KCNN1: variants seen among roughly 807,000 people sequenced by gnomAD.
KCNN1 encodes small conductance calcium-activated potassium channel protein 1.
Under a neutral mutation model 44.7 loss-of-function variants are expected in KCNN1, and 20 were observed. The observed-to-expected ratio is 0.45, with a 90% CI of 0.32 to 0.65. The LOEUF (loss-of-function observed/expected upper bound fraction) is 0.65. Ranked by LOEUF, KCNN1 falls within the 30% of genes least tolerant of loss-of-function variation. The probability of loss-of-function intolerance (pLI) is 0.05; values close to 1 mark genes in which losing one functional copy is unlikely to be tolerated. For synonymous variants in KCNN1, 324 were observed against 341.7 expected, an observed-to-expected ratio of 0.95 and a Z score of 0.57; for missense variants, 632 against 785.3, an observed-to-expected ratio of 0.80 and a Z score of 2.33.
intron 2 of KCNN1, among the ~76,000 whole-genome samples, chr19:17,959,305 C>A (rs977596893): frequency 4.0e-5 from 6 of 151,846 alleles, no homozygotes; most frequent in Non-Finnish European, 8.8e-5. Context: ...GTCGCCCAGG[C>A]TGGAATGCAA....
intron 2 of KCNN1, among the ~76,000 whole-genome samples, chr19:17,961,094 G>A (rs960851666): frequency 9.3e-5 from 14 of 150,740 alleles, no homozygotes; most frequent in African/African-American, 2.2e-4. Context: ...GCTGAGGCAG[G>A]AGAATTGCGT....
At chr19:17,951,328 C>G (rs1355900281) in exon 1 of KCNN1, 1 of 152,378 alleles carries the variant, frequency 6.6e-6, no homozygotes, top group East Asian at 1.9e-4. Context: ...GCCACGCTTT[C>G]TGTTGGAGGG....
upstream of KCNN1, among the ~76,000 whole-genome samples, chr19:17,962,498 C>T (rs1389558057): frequency 6.6e-6 from 1 of 152,094 alleles, no homozygotes; most frequent in African/African-American, 2.4e-5. Flanking sequence ...TGTGTCTTTA[C>T]CACCACAGTG....
chr19:17,952,194 CGGGGCCCAGGTCGGCGGGGA>C (rs2145892852), intron 1 of KCNN1: 1 of 152,050 alleles, frequency 6.6e-6, no homozygotes, highest in African/African-American at 2.4e-5. Flanking sequence ...GGCGGCGGGG[CGGGGCCCAGGTCGGCGGGGA>C]GGGGGTCGGC....
intron 7 of KCNN1, among the ~76,000 whole-genome samples, chr19:17,992,586 G>C (rs536486025): frequency 1.8e-4 from 27 of 152,306 alleles, no homozygotes; most frequent in Non-Finnish European, 3.4e-4. Flanking sequence ...GGGTGACAGA[G>C]TGAGACTCCG....
Position 17,970,289 on chromosome 19 carries a change from ATTTTTTTTTTTTTTTTTTTTTTTTTTTTT to A in KCNN1, c.-82+2989_-82+3017del, listed in dbSNP as rs71164333. ...AGGTCACCTGACCATAGAAGGAATG[ATTTTTTTTTTTTTTTTTTTTTTTTTTTTT>A]TTTTTTTTTTTTTTTTGGAGACAGG... On this transcript the variant is annotated intron_variant, in intron 1 of 9. Coordinates refer to ENST00000684775, the MANE Select transcript of KCNN1 (RefSeq NM_001386974.1). Among the ~76,000 whole-genome samples, 77 of 56,932 alleles carry A rather than the reference ATTTTTTTTTTTTTTTTTTTTTTTTTTTTT, an allele frequency of 1.4e-3. 3 individuals carry two copies. The highest frequency in any genetic ancestry group is 0.011 in the South Asian group (17 of 1,510). The allele number at this position is 56,932 out of a possible 152,430, so 37.3% of individuals were successfully genotyped here.
intron 9 of KCNN1, among the ~76,000 whole-genome samples, chr19:17,996,577 G>A (rs1393774576): frequency 3.9e-5 from 6 of 152,200 alleles, no homozygotes; most frequent in African/African-American, 2.4e-5. Flanking sequence ...CTGCACTCCA[G>A]CCTAGACAAC....
chr19:17,998,297 G>T lies in KCNN1; in HGVS notation c.1523G>T (p.Arg508Leu), dbSNP rs1351577896. ...ALPGLIAQAI[R>L]PPPPPLPPRP... ...CCTGGCCTCATCGCCCAAGCCATAC[G>T]CCCACCCCCGCCTCCCCTGCCTCCC... The change falls in exon 10 of 10, where the codon CGC (arginine) becomes CTC (leucine). Residue 508 changes from arginine (R) to leucine (L), a missense_variant. Transcript: ENST00000684775. This position sits in a 1 kb window ranked among gnomAD's most constrained non-coding sequence, Gnocchi z 5.4. The T allele has an allele frequency of 5.8e-6, 9 of 1,544,218 alleles. No homozygotes were observed. Among genetic ancestry groups the T allele is most frequent in the Non-Finnish European group, 7.8e-6 (9 of 1,149,960 alleles).
chr19:17,975,546 G>A (rs559177853), intron 3 of KCNN1, among the ~76,000 whole-genome samples: 6 of 152,022 alleles, frequency 3.9e-5, no homozygotes, highest in African/African-American at 7.2e-5. Context: ...TCAGTCTCCC[G>A]AGTAGCTGGG....
Position 17,985,381 on chromosome 19 carries a change from C to T in KCNN1, c.987C>T (p.Leu329=). 3 of 1,611,934 alleles carry T rather than the reference C, an allele frequency of 1.9e-6. No individual in the cohort carries two copies. Among genetic ancestry groups the T allele is most frequent in the South Asian group, 1.1e-5 (1 of 90,880 alleles). ...TGTGGCTGATTTCCATCACCTTCCT[C>T]TCCATTGGCTACGGCGACATGGTGC... ...GAMWLISITF[L]SIGYGDMVPH... The change falls in exon 5 of 10, where the codon CTC becomes CTT. Residue 329 remains leucine (L), a synonymous_variant. Transcript: ENST00000684775.
intron 5 of KCNN1, among the ~76,000 whole-genome samples, chr19:17,987,100 G>A (rs951333509): frequency 9.4e-5 from 14 of 149,526 alleles, no homozygotes; most frequent in African/African-American, 3.0e-4. Flanking sequence ...ACGCCACCAC[G>A]CTGGCCCTTT....
At chr19:17,976,480 C>T (rs1328175331) in intron 3 of KCNN1, among the ~76,000 whole-genome samples, 3 of 151,000 alleles carry the variant, frequency 2.0e-5, no homozygotes, top group Non-Finnish European at 4.4e-5. Context: ...TGCAATGGCA[C>T]GATCTCCAGC....
Position 17,993,127 on chromosome 19 carries a change from G to A in KCNN1, c.1307+65G>A. 1 of 1,599,078 alleles carries A rather than the reference G, an allele frequency of 6.3e-7. No homozygotes were observed. ...GGGGGTGCATGGTGGTCACAGACAG[G>A]GGGTACACCCGGGGCATGCCAACCC... is the stretch of plus-strand genomic sequence containing the variant. On this transcript the variant is annotated intron_variant, in intron 8 of 9. Coordinates refer to ENST00000684775, the MANE Select transcript of KCNN1 (RefSeq NM_001386974.1). The surrounding 1 kb of genome is among the most constrained non-coding windows in gnomAD (Gnocchi z 4.5).
intron 4 of KCNN1, chr19:17,982,707 G>T: frequency 1.7e-6 from 1 of 592,004 alleles, no homozygotes; most frequent in Middle Eastern, 8.6e-4. Context: ...GGCCCGGCGG[G>T]GTGGGTCGGG....
chr19:17,999,171 C>T lies in KCNN1; in HGVS notation c.*765C>T, dbSNP rs1338068659. On this transcript the variant is annotated 3_prime_UTR_variant, in exon 10 of 10. Transcript: ENST00000684775. ...TGACCATGGTGGGATGGGGGGGAAA[C>T]TGAGGCCCAGAGAGGTGAATCTACC... 5 of 152,444 alleles carry T rather than the reference C, an allele frequency of 3.3e-5. No individual in the cohort carries two copies. The highest frequency in any genetic ancestry group is 1.2e-4 in the African/African-American group (5 of 41,444). The allele number at this position is 152,444 out of a possible 1,614,324, so 9.4% of individuals were successfully genotyped here.
At chr19:17,995,174 C>CTT (rs201597845) in intron 9 of KCNN1, among the ~76,000 whole-genome samples, 8 of 142,384 alleles carry the variant, frequency 5.6e-5, no homozygotes, top group Admixed American at 7.1e-5. Context: ...AGGGAATCTT[C>CTT]TTTTTTTTTT....
At chr19:17,990,293 G>A (rs763797869) in intron 7 of KCNN1, among the ~76,000 whole-genome samples, 1 of 150,226 alleles carries the variant, frequency 6.7e-6, no homozygotes, top group Non-Finnish European at 1.5e-5. Flanking sequence ...AACACCATCC[G>A]TGGCAATACA....
intron 3 of KCNN1, 144 bp from the exon 4 acceptor site, chr19:17,981,565 A>AAG (rs1555768967): frequency 8.6e-6 from 6 of 701,076 alleles, no homozygotes; most frequent in Non-Finnish European, 1.3e-5. Context: ...AAAAAAAAAA[A>AAG]AAAGAAAGAA....
chr19:17,953,122 CT>C (rs1422019939), intron 1 of KCNN1, among the ~76,000 whole-genome samples: 1 of 152,174 alleles, frequency 6.6e-6, no homozygotes, highest in Non-Finnish European at 1.5e-5. Context: ...AAGCCCCGGC[CT>C]CGCTCTCTTC....
Sources: allele counts gnomAD v4.1 joint callset (sites outside exome capture counted in the v4.1 genomes callset), GRCh38; gene constraint gnomAD v4.1.1; non-coding constraint Gnocchi (gnomAD v3.1); transcripts MANE v1.5; gene names NCBI Gene and HGNC (gene_info 2026-07-23, HGNC 2026-07-21).